The following PDYN variants were observed in gnomAD, a reference collection of about 807,000 sequenced individuals.
PDYN encodes the protein prodynorphin.
In PDYN, 5 loss-of-function variants were observed where a neutral mutation model predicts 11.4. That is an observed-to-expected ratio of 0.44 (90% CI 0.23 to 0.92). The LOEUF (loss-of-function observed/expected upper bound fraction) is 0.92, where lower values mean the gene tolerates loss of function less well. PDYN is among the 40% of genes least tolerant of loss of function. The pLI is 0.24. For missense variants in PDYN, 337 were observed against 317.3 expected (o/e 1.06, Z -0.47); for synonymous variants, 132 against 129.5 (o/e 1.02, Z -0.13).
Position 1,981,430 on chromosome 20 carries a change from G to A in PDYN, c.130-472C>T, listed in dbSNP as rs549697932. Among the ~76,000 whole-genome samples, 5 of 152,254 alleles carry A rather than the reference G, an allele frequency of 3.3e-5. No homozygotes were observed. The South Asian group carries it at 1.0e-3, about 32-fold the overall frequency. ...CACAGGAGGGTTCATCAGGCCTGGG[G>A]TGGGGGGCAATGGCATCACTTCATA... On this transcript the variant is annotated intron_variant, in intron 3 of 3. Transcript: ENST00000217305.
rs926147188 is a variant in PDYN, at chr20:1,980,018, G to A, written c.*305C>T. 21 of 458,238 alleles carry A rather than the reference G, an allele frequency of 4.6e-5. No homozygotes were observed. The East Asian group carries it at 9.0e-4, about 20-fold the overall frequency. The allele number at this position is 458,238 out of a possible 1,614,324, so 28.4% of individuals were successfully genotyped here. On this transcript the variant is annotated 3_prime_UTR_variant, in exon 4 of 4. Coordinates refer to ENST00000217305, the MANE Select transcript of PDYN (RefSeq NM_024411.5). Reference sequence around the variant, plus strand: ...TGGAATTGAGGAGTCACGTGAACAGGTTGGAAGGACAGATCACAAACTGCT... The same window carrying A: ...TGGAATTGAGGAGTCACGTGAACAGATTGGAAGGACAGATCACAAACTGCT...
rs572674195 is a variant in PDYN, at chr20:1,979,619, AAGTC to A, written c.*700_*703del. The A allele has an allele frequency of 6.8e-4, 105 of 153,836 alleles. 3 individuals carry two copies. The highest frequency in any genetic ancestry group is 6.3e-3 in the Admixed American group (99 of 15,610). The allele number at this position is 153,836 out of a possible 1,614,324, so 9.5% of individuals were successfully genotyped here. On this transcript the variant is annotated 3_prime_UTR_variant, in exon 4 of 4. Coordinates refer to ENST00000217305, the MANE Select transcript of PDYN (RefSeq NM_024411.5). ...GTACCAACATGACTGGGAGTTCAGG[AAGTC>A]AGTTCTTCAAGAGGTGCTTTTCTGA... is the stretch of plus-strand genomic sequence containing the variant.
intron 3 of PDYN, 54 bp downstream of exon 3, chr20:1,982,902 T>C (rs926589088): frequency 1.3e-6 from 2 of 1,599,234 alleles, no homozygotes; most frequent in African/African-American, 1.3e-5. Flanking sequence ...CTCTCTGGGC[T>C]GCCTCGCACA....
chr20:1,990,280 T>A (rs1161625072), intron 2 of PDYN, among the ~76,000 whole-genome samples: 2 of 152,060 alleles, frequency 1.3e-5, no homozygotes, highest in Admixed American at 6.5e-5. Context: ...CCACAAACCA[T>A]CCTGAGGCCT....
Position 1,978,858 on chromosome 20 carries a change from T to A in PDYN, c.*1465A>T, listed in dbSNP as rs1243818046. On this transcript the variant is annotated 3_prime_UTR_variant, in exon 4 of 4. Coordinates refer to ENST00000217305, the MANE Select transcript of PDYN (RefSeq NM_024411.5). ...CAAGTAAATTGCATAAATGGGATTT[T>A]TTTAAAGGACACAAAATAACTCTAA... The A allele has an allele frequency of 6.6e-6, 1 of 152,228 alleles. No individual in the cohort carries two copies. The highest frequency in any genetic ancestry group is 1.5e-5 in the Non-Finnish European group (1 of 68,034). The allele number at this position is 152,228 out of a possible 1,614,324, so 9.4% of individuals were successfully genotyped here.
chr20:1,990,212 A>G (rs1051667601), intron 2 of PDYN, among the ~76,000 whole-genome samples: 1 of 152,230 alleles, frequency 6.6e-6, no homozygotes, highest in Non-Finnish European at 1.5e-5. Flanking sequence ...AGACTGGGCC[A>G]AGACCAAGAA....
intron 2 of PDYN, among the ~76,000 whole-genome samples, chr20:1,990,134 A>G (rs1988370703): frequency 6.6e-6 from 1 of 152,222 alleles, no homozygotes; most frequent in South Asian, 2.1e-4. Flanking sequence ...TCTCTTGAAG[A>G]GAATCCAGTG....
rs566417131 is a variant in PDYN, at chr20:1,990,637, A to C, written c.-20+1947T>G. On this transcript the variant is annotated intron_variant, in intron 2 of 3. Coordinates refer to ENST00000217305, the MANE Select transcript of PDYN (RefSeq NM_024411.5). ...AGACCAGAGGGAAAGACGGCCTTGC[A>C]GGCAGTGGTCCTGGTGGGATCATTC... 8.5e-5 allele frequency among the ~76,000 whole-genome samples: 13 copies of C among 152,348 alleles called. No homozygotes were observed. The East Asian group carries it at 2.5e-3, about 29-fold the overall frequency.
intron 2 of PDYN, among the ~76,000 whole-genome samples, chr20:1,990,155 T>A (rs1368743461): frequency 2.0e-5 from 3 of 152,222 alleles, no homozygotes; most frequent in African/African-American, 7.2e-5. Context: ...GGTTGGGAAC[T>A]ATTAGTTCCA....
chr20:1,982,166 A>G (rs548563391), intron 3 of PDYN, among the ~76,000 whole-genome samples: 1 of 152,158 alleles, frequency 6.6e-6, no homozygotes, highest in Non-Finnish European at 1.5e-5. Flanking sequence ...CTGAGGCAGG[A>G]GAATCATTTG....
intron 3 of PDYN, among the ~76,000 whole-genome samples, chr20:1,982,349 G>A (rs1482284007): frequency 6.6e-6 from 1 of 152,224 alleles, no homozygotes; most frequent in African/African-American, 2.4e-5. Context: ...TAGAGAGGGA[G>A]TTCCAAGGTC....
intron 2 of PDYN, among the ~76,000 whole-genome samples, chr20:1,988,597 A>T (rs1005803210): frequency 2.6e-5 from 4 of 152,188 alleles, no homozygotes; most frequent in Non-Finnish European, 5.9e-5. Context: ...AGCGGGAGGC[A>T]TGATGTCAGT....
chr20:1,993,711 A>G (rs565366412), intron 1 of PDYN, 200 bp downstream of exon 1: 1 of 152,390 alleles, frequency 6.6e-6, no homozygotes, highest in East Asian at 1.9e-4. Context: ...AGGACTGTGC[A>G]GAAAGGGAGA....
rs779840202 is a variant in PDYN at position 1,981,004 on chromosome 20, A to G, written c.130-46T>C. 1.9e-6 allele frequency: 3 copies of G among 1,607,530 alleles called. No homozygotes were observed. In the African/African-American group the frequency reaches 4.0e-5, roughly 21 times the overall value. On this transcript the variant is annotated intron_variant, in intron 3 of 3. Coordinates refer to ENST00000217305, the MANE Select transcript of PDYN (RefSeq NM_024411.5). ...CCACAGTGGCAAATGATCAAAACAC[A>G]TGCACTGGTCTGCCCCAGGCTCCCC...
At chr20:1,989,326 C>T (rs986331627) in intron 2 of PDYN, among the ~76,000 whole-genome samples, 4 of 152,104 alleles carry the variant, frequency 2.6e-5, no homozygotes, top group African/African-American at 7.2e-5. Context: ...CCTGGGGAGG[C>T]TTGCCTTGGG....
At chr20:1,992,214 C>T (rs756706353) in intron 2 of PDYN, among the ~76,000 whole-genome samples, 16 of 152,174 alleles carry the variant, frequency 1.1e-4, no homozygotes, top group Non-Finnish European at 2.4e-4. Flanking sequence ...CAAAGTCACA[C>T]AGTAAGTGAG....
At chr20:1,991,344 C>G (rs1988438593) in intron 2 of PDYN, among the ~76,000 whole-genome samples, 1 of 152,238 alleles carries the variant, frequency 6.6e-6, no homozygotes, top group South Asian at 2.1e-4. Context: ...TGGCCAGCCG[C>G]TCTGGCCAGT....
At chr20:1,987,124 G>T (rs1988223237) in intron 2 of PDYN, among the ~76,000 whole-genome samples, 1 of 152,146 alleles carries the variant, frequency 6.6e-6, no homozygotes, top group African/African-American at 2.4e-5. Context: ...GGGACGTAAG[G>T]GAGAGACTGG....
rs1055843879 is a variant in PDYN at position 1,980,052 on chromosome 20, T to TGCTGCTGCC, written c.*262_*270dup. On this transcript the variant is annotated 3_prime_UTR_variant, in exon 4 of 4. Transcript: ENST00000217305. ...ACAGATCACAAACTGCTGCTGCTGC[T>TGCTGCTGCC]GCTGCTGCCGCTGCTGATAGTTTTA... 28 of 516,680 alleles carry TGCTGCTGCC rather than the reference T, an allele frequency of 5.4e-5. No individual in the cohort carries two copies. The highest frequency in any genetic ancestry group is 9.2e-5 in the Non-Finnish European group (26 of 284,080). 32.0% of individuals were successfully genotyped at this position (516,680 alleles called of 1,614,324 possible). A position where few individuals can be genotyped will look rare whatever the true frequency, so the allele number is the denominator to read the frequency against.
Sources: allele counts gnomAD v4.1 joint callset (sites outside exome capture counted in the v4.1 genomes callset), GRCh38; gene constraint gnomAD v4.1.1; transcripts MANE v1.5; gene names NCBI Gene and HGNC (gene_info 2026-07-23, HGNC 2026-07-21).